Variants in MYO1C observed in about 807,000 individuals in gnomAD.
MYO1C encodes unconventional myosin-Ic.
Under a neutral mutation model 150.8 loss-of-function variants are expected in MYO1C, and 104 were observed. That is an observed-to-expected ratio of 0.69 (90% CI 0.59 to 0.81). The LOEUF is 0.81. Ranked by LOEUF, MYO1C falls within the 30% of genes least tolerant of loss-of-function variation. The pLI, the probability that MYO1C is intolerant of heterozygous loss-of-function variation, is 0.00. For missense variants in MYO1C, 1,504 were observed against 1,435.0 expected (o/e 1.05, Z -0.78); for synonymous variants, 663 against 579.9 (o/e 1.14, Z -2.06).
At position 1,465,396 on chromosome 17, in the gene MYO1C, AAT is replaced by A. The variant is rs2074149685; in HGVS notation, c.*328_*329del. 4.0e-6 allele frequency: 1 copy of A among 249,550 alleles called. No individual in the cohort carries two copies. Among genetic ancestry groups the A allele is most frequent in the Admixed American group, 5.6e-5 (1 of 17,946 alleles). The allele number at this position is 249,550 out of a possible 1,614,324, so 15.5% of individuals were successfully genotyped here. On this transcript the variant is annotated 3_prime_UTR_variant, in exon 32 of 32. Coordinates refer to ENST00000648651, the MANE Select transcript of MYO1C (RefSeq NM_001080779.2). The stretch of plus-strand genomic sequence containing the variant: ...GGGTGGGAAATGGCTTTTTTTAAAA[AAT>A]AGTTTCCTATAAAGCATCAAAAAAA...
intron 23 of MYO1C, 30 bp from the exon 24 acceptor site, chr17:1,470,364 G>T: frequency 6.5e-7 from 1 of 1,535,450 alleles, no homozygotes; most frequent in Non-Finnish European, 8.8e-7. Context: ...AGGGTTGGGG[G>T]TGAGGGGCCT....
intron 1 of MYO1C, chr17:1,485,112 G>A (rs1476134852): frequency 1.6e-6 from 2 of 1,223,010 alleles, no homozygotes; most frequent in African/African-American, 1.6e-5. Context: ...TCAGGGGATG[G>A]GGGCTTTACC....
chr17:1,471,771 T>C (rs2074308183), intron 19 of MYO1C, 136 bp downstream of exon 19: 8 of 943,266 alleles, frequency 8.5e-6, no homozygotes, highest in Admixed American at 1.9e-5. Context: ...ACCAAGGGCC[T>C]CCACCAAGGG....
Position 1,478,679 on chromosome 17 carries a change from C to T in MYO1C, c.1149G>A (p.Lys383=). 6.2e-7 allele frequency: 1 copy of T among 1,614,192 alleles called. No individual in the cohort carries two copies. Among genetic ancestry groups the T allele is most frequent in the Non-Finnish European group, 8.5e-7 (1 of 1,180,040 alleles). The change falls in exon 10 of 32, where the codon AAG becomes AAA. Residue 383 remains lysine (K), a synonymous_variant. Coordinates refer to ENST00000648651, the MANE Select transcript of MYO1C (RefSeq NM_001080779.2). The surrounding 1 kb of genome is among the most constrained non-coding windows in gnomAD (Gnocchi z 6.3). ...AGGTAAAAGTGCGGCTGTACACAGC[C>T]TTGGCGAGGGCGTCTCGTGCGTACG... ...QAAYARDALA[K]AVYSRTFTWL... is the part of the protein sequence containing the mutation.
chr17:1,471,877 T>TA (rs1172871163), intron 19 of MYO1C, 30 bp downstream of exon 19: 1 of 1,606,678 alleles, frequency 6.2e-7, no homozygotes, highest in Admixed American at 1.7e-5. Flanking sequence ...CCGCTCCCCT[T>TA]CCCTGGCACC....
At chr17:1,465,989 C>T (rs1260004855) in intron 31 of MYO1C, among the ~76,000 whole-genome samples, 2 of 151,602 alleles carry the variant, frequency 1.3e-5, no homozygotes, top group Non-Finnish European at 2.9e-5. Flanking sequence ...TTCATGGGTT[C>T]GATGCAGGCA....
At chr17:1,491,544 G>GCCCGCTCCCCACACCCGCCC in intron 1 of MYO1C, 1 of 828,578 alleles carries the variant, frequency 1.2e-6, no homozygotes, top group African/African-American at 1.9e-5. Flanking sequence ...CGGCCCGGCC[G>GCCCGCTCCCCACACCCGCCC]CCCGCTCCCC....
chr17:1,480,619 A>G lies in MYO1C; in HGVS notation c.814T>C (p.Cys272Arg). 6.2e-7 allele frequency: 1 copy of G among 1,614,076 alleles called. No individual in the cohort carries two copies. ...TCGTTGATGGAGGAGACTTTGGCAC[A>G]CTGGCCCTGGAGGAAGGGCACAGCT... ...QSYLYLVKGQ[C>R]AKVSSINDKS... is the part of the protein sequence containing the mutation. The change falls in exon 7 of 32, where the codon TGT (cysteine) becomes CGT (arginine). Residue 272 changes from cysteine (C) to arginine (R), a missense_variant. Physicochemically the swap from Cys to Arg is radical, Grantham distance 180. Transcript: ENST00000648651.
chr17:1,488,614 G>A (rs1376556193), intron 1 of MYO1C, among the ~76,000 whole-genome samples: 1 of 152,256 alleles, frequency 6.6e-6, no homozygotes, highest in East Asian at 1.9e-4. Flanking sequence ...CCGGGCACTG[G>A]AACACCTTAC....
Position 1,479,288 on chromosome 17 carries a change from C to T in MYO1C, c.1092+143G>A, listed in dbSNP as rs1405801994. On this transcript the variant is annotated intron_variant, in intron 9 of 31. Coordinates refer to ENST00000648651, the MANE Select transcript of MYO1C (RefSeq NM_001080779.2). This position sits in a 1 kb window ranked among gnomAD's most constrained non-coding sequence, Gnocchi z 4.2. Reference sequence around the variant, plus strand: ...GGTTACAGGCGTGAGCCACGGCGCTCGGCTCTCACTCTGCTTCTCTGAGCA... The same window carrying T: ...GGTTACAGGCGTGAGCCACGGCGCTTGGCTCTCACTCTGCTTCTCTGAGCA... 7.3e-6 allele frequency: 5 copies of T among 682,680 alleles called. No homozygotes were observed. Among genetic ancestry groups the T allele is most frequent in the South Asian group, 5.0e-5 (3 of 60,054 alleles). The allele number at this position is 682,680 out of a possible 1,614,324, so 42.3% of individuals were successfully genotyped here. A position where few individuals can be genotyped will look rare whatever the true frequency, so the allele number is the denominator to read the frequency against.
At chr17:1,480,165 AAAAG>A (rs2074488973) in intron 7 of MYO1C, among the ~76,000 whole-genome samples, 1 of 143,470 alleles carries the variant, frequency 7.0e-6, no homozygotes, top group Admixed American at 7.1e-5. Context: ...AAAAAAAAAA[AAAAG>A]GGATTACTGG....
At chr17:1,485,569 C>A in intron 1 of MYO1C, 1 of 765,676 alleles carries the variant, frequency 1.3e-6, no homozygotes, top group Non-Finnish European at 1.7e-6. Flanking sequence ...CCTGCAACTT[C>A]CCGGGACGTT....
chr17:1,471,797 G>T, intron 19 of MYO1C, 110 bp downstream of exon 19: 1 of 1,182,722 alleles, frequency 8.5e-7, no homozygotes, highest in Non-Finnish European at 1.3e-6. Context: ...CAGGGCCTCC[G>T]CATCCGCATT....
intron 3 of MYO1C, 132 bp downstream of exon 3, chr17:1,483,478 G>A (rs927285555): frequency 7.2e-6 from 5 of 693,682 alleles, no homozygotes; most frequent in African/African-American, 1.8e-5. Context: ...TCACTGGGGG[G>A]CAAGAGACTG....
rs766747301 is a variant in MYO1C, at chr17:1,467,357, G to A, written c.3066-16C>T. On this transcript the variant is annotated splice_polypyrimidine_tract_variant and intron_variant, in intron 30 of 31. Coordinates refer to ENST00000648651, the MANE Select transcript of MYO1C (RefSeq NM_001080779.2). Reference sequence around the variant, plus strand: ...AAACGTGATGCTGGGGGAACGGGGTGGGTGAGGGTTTTTCCATGGAGGCAG... The same window carrying A: ...AAACGTGATGCTGGGGGAACGGGGTAGGTGAGGGTTTTTCCATGGAGGCAG... 3.1e-6 allele frequency: 5 copies of A among 1,608,456 alleles called. No homozygotes were observed. The Admixed American group carries it at 6.7e-5, about 22-fold the overall frequency.
chr17:1,488,028 A>G (rs1207653871), intron 1 of MYO1C, among the ~76,000 whole-genome samples: 1 of 152,040 alleles, frequency 6.6e-6, no homozygotes, highest in African/African-American at 2.4e-5. Context: ...GGGTCAAGAG[A>G]GCCCCTCCCG....
In MYO1C at chr17:1,480,868, G is replaced by A. The variant is rs1356431626; in HGVS notation, c.645C>T (p.Gly215=). The part of the protein sequence containing the change: ...QFDFKGAPVG[G]HILSYLLEKS... ...TTTCCAGGAGGTAACTGAGGATGTG[G>A]CCACCCACGGGGGCACCCTGTGGGC... The change falls in exon 6 of 32, where the codon GGC becomes GGT. Residue 215 remains glycine (G), a synonymous_variant. Transcript: ENST00000648651. 1 of 1,614,046 alleles carries A rather than the reference G, an allele frequency of 6.2e-7. No homozygotes were observed. Among genetic ancestry groups the A allele is most frequent in the South Asian group, 1.1e-5 (1 of 91,084 alleles).
chr17:1,468,288 G>A lies in MYO1C; in HGVS notation c.2725C>T (p.Arg909Ter), dbSNP rs1407940449. 6.8e-6 allele frequency: 11 copies of A among 1,613,864 alleles called. No individual in the cohort carries two copies. The highest frequency in any genetic ancestry group is 6.7e-5 in the African/African-American group (5 of 75,022). ...TCAGAGCCCAAGGCCTGCAGCACTC[G>A]GGGGCTGATCTCATCTGTACCTGCA... ...TRLGTDEISP[R>*]VLQALGSEPI... The change falls in exon 27 of 32, where the codon CGA (arginine) becomes TGA (stop). Residue 909 changes from arginine to a stop codon, truncating the protein, a stop_gained. Transcript: ENST00000648651. LOFTEE classifies it high-confidence loss of function.
intron 7 of MYO1C, among the ~76,000 whole-genome samples, chr17:1,480,140 A>C (rs1367276339): frequency 3.6e-5 from 3 of 83,762 alleles, no homozygotes; most frequent in Non-Finnish European, 6.6e-5. Context: ...GCGAGACTCC[A>C]TCTCAAAAAA....
Sources: gnomAD v4.1 joint callset for allele counts (sites outside exome capture counted in the v4.1 genomes callset) on GRCh38, gnomAD v4.1.1 for gene constraint, Gnocchi (gnomAD v3.1) non-coding constraint, MANE v1.5 for transcripts, NCBI Gene and HGNC (gene_info 2026-07-23, HGNC 2026-07-21) for gene names.